Variants in PLCB1 observed in about 807,000 individuals in gnomAD.
PLCB1 encodes 1-phosphatidylinositol 4,5-bisphosphate phosphodiesterase beta-1.
A neutral mutation model predicts 161.8 loss-of-function variants in PLCB1; 46 were observed. That is an observed-to-expected ratio of 0.28 (90% CI 0.22 to 0.36). The LOEUF is 0.36. Ranked by LOEUF, PLCB1 falls within the 10% of genes least tolerant of loss-of-function variation. The pLI is 1.00. For synonymous variants in PLCB1, 517 were observed against 503.7 expected, an observed-to-expected ratio of 1.03 and a Z score of -0.35; for missense variants, 1,016 against 1,472.5, an observed-to-expected ratio of 0.69 and a Z score of 5.07.
At chr20:8,771,861 T>TTTCCTTCCTTCCTTTG (rs1555789384) in intron 26 of PLCB1, among the ~76,000 whole-genome samples, 1 of 130,162 alleles carries the variant, frequency 7.7e-6, no homozygotes, top group Non-Finnish European at 1.6e-5. Flanking sequence ...ATTGAATTTG[T>TTTCCTTCCTTCCTTTG]TTCCTTCCTT....
At chr20:8,372,500 T>G (rs908725367) in intron 3 of PLCB1, among the ~76,000 whole-genome samples, 1 of 129,610 alleles carries the variant, frequency 7.7e-6, no homozygotes, top group Non-Finnish European at 1.8e-5. Context: ...AAATGATCTA[T>G]GGTAAAATGT....
chr20:8,754,945 A>G (rs1379408625), intron 23 of PLCB1, among the ~76,000 whole-genome samples: 5 of 152,234 alleles, frequency 3.3e-5, no homozygotes, highest in Admixed American at 2.6e-4. Context: ...TTCTAGGGAG[A>G]ATTTTTCTGA....
chr20:8,301,710 A>G (rs1384699715), intron 2 of PLCB1, among the ~76,000 whole-genome samples: 1 of 152,192 alleles, frequency 6.6e-6, no homozygotes, highest in African/African-American at 2.4e-5. Context: ...ACATCTAGGC[A>G]CTAGGTATAA....
chr20:8,541,707 A>G (rs770316225), intron 3 of PLCB1, among the ~76,000 whole-genome samples: 41 of 152,226 alleles, frequency 2.7e-4, no homozygotes, highest in Non-Finnish European at 4.7e-4. Flanking sequence ...GTATTTATTT[A>G]TTGAGCATTA....
chr20:8,875,406 C>A (rs1048385007), intron 31 of PLCB1, among the ~76,000 whole-genome samples: 1 of 146,108 alleles, frequency 6.8e-6, no homozygotes, highest in African/African-American at 2.5e-5. Flanking sequence ...ATATACTATA[C>A]GTAGTATATA....
intron 2 of PLCB1, among the ~76,000 whole-genome samples, chr20:8,313,554 G>T (rs2122131337): frequency 6.6e-6 from 1 of 152,290 alleles, no homozygotes. Flanking sequence ...GATCAAATAT[G>T]TGAATGCTGG....
intron 18 of PLCB1, chr20:8,729,943 CA>C (rs1260237167): frequency 6.6e-6 from 1 of 151,788 alleles, no homozygotes; most frequent in South Asian, 2.1e-4. Flanking sequence ...TTAAACCAGA[CA>C]AAAATGTGTT....
At chr20:8,326,470 T>C (rs1453612201) in intron 2 of PLCB1, among the ~76,000 whole-genome samples, 1 of 152,214 alleles carries the variant, frequency 6.6e-6, no homozygotes, top group African/African-American at 2.4e-5. Context: ...AATGATAGGT[T>C]ATGATTTCCC....
At chr20:8,574,870 G>A (rs6055911) in intron 3 of PLCB1, among the ~76,000 whole-genome samples, 47,859 of 152,130 alleles carry the variant, frequency 0.31, 9,207 homozygotes, top group East Asian at 0.53. Context: ...CACTTCAACA[G>A]AAAAGATATA....
At chr20:8,525,274 A>C in intron 3 of PLCB1, among the ~76,000 whole-genome samples, 1 of 152,002 alleles carries the variant, frequency 6.6e-6, no homozygotes, top group East Asian at 1.9e-4. Context: ...AAAAGGAGCT[A>C]ATTGCAGACC....
At chr20:8,794,751 A>T (rs1218269174) in intron 31 of PLCB1, among the ~76,000 whole-genome samples, 1 of 152,228 alleles carries the variant, frequency 6.6e-6, no homozygotes, top group Non-Finnish European at 1.5e-5. Flanking sequence ...TGATCAACTT[A>T]GAAAATCATA....
intron 9 of PLCB1, among the ~76,000 whole-genome samples, chr20:8,670,936 T>C (rs1989927709): frequency 6.6e-6 from 1 of 152,198 alleles, no homozygotes. Flanking sequence ...GTGCTGTGCT[T>C]AGAAGTGATT....
At chr20:8,511,651 G>T (rs929078057) in intron 3 of PLCB1, among the ~76,000 whole-genome samples, 1 of 151,988 alleles carries the variant, frequency 6.6e-6, no homozygotes, top group Non-Finnish European at 1.5e-5. Context: ...TGTGTACAGG[G>T]GTTCCCTTTA....
At chr20:8,783,258 A>C (rs1218384858) in intron 27 of PLCB1, among the ~76,000 whole-genome samples, 3 of 152,236 alleles carry the variant, frequency 2.0e-5, no homozygotes, top group African/African-American at 7.2e-5. Flanking sequence ...TTTCCTAGGA[A>C]GTCCAAGTGA....
At chr20:8,274,826 A>T (rs535343122) in intron 2 of PLCB1, among the ~76,000 whole-genome samples, 2 of 152,290 alleles carry the variant, frequency 1.3e-5, no homozygotes, top group Non-Finnish European at 2.9e-5. Flanking sequence ...ATGGGCTTCT[A>T]GCACTAAATA....
At chr20:8,767,286 G>T (rs974328201) in intron 26 of PLCB1, among the ~76,000 whole-genome samples, 12 of 152,168 alleles carry the variant, frequency 7.9e-5, no homozygotes, top group African/African-American at 2.2e-4. Context: ...AGCTCCTAAG[G>T]TTTGCTGATG....
At chr20:8,586,002 C>T (rs895920365) in intron 3 of PLCB1, among the ~76,000 whole-genome samples, 6 of 152,178 alleles carry the variant, frequency 3.9e-5, no homozygotes, top group Non-Finnish European at 5.9e-5. Flanking sequence ...TACTCCAGTG[C>T]CCAGCTCATT....
chr20:8,182,094 G>A (rs562162348), intron 2 of PLCB1, among the ~76,000 whole-genome samples: 13 of 152,256 alleles, frequency 8.5e-5, no homozygotes, highest in African/African-American at 2.6e-4. Flanking sequence ...GGGCAATAGC[G>A]TTCACAGGAA....
At chr20:8,144,931 G>C (rs2051439042) in intron 1 of PLCB1, among the ~76,000 whole-genome samples, 1 of 152,164 alleles carries the variant, frequency 6.6e-6, no homozygotes, top group Non-Finnish European at 1.5e-5. Flanking sequence ...GCTGTGGAGT[G>C]AGAATTGTGG....
Sources: allele counts gnomAD v4.1 joint callset (sites outside exome capture counted in the v4.1 genomes callset), GRCh38; gene constraint gnomAD v4.1.1; transcripts MANE v1.5; gene names NCBI Gene and HGNC (gene_info 2026-07-23, HGNC 2026-07-21).